RTN1: variants seen among roughly 807,000 people sequenced by gnomAD.
RTN1 encodes reticulon-1.
RTN1 carries 25 observed loss-of-function variants against 65.5 expected under a neutral mutation model. That is an observed-to-expected ratio of 0.38 (90% CI 0.28 to 0.53). The LOEUF (loss-of-function observed/expected upper bound fraction) is 0.53, where lower values mean the gene tolerates loss of function less well. RTN1 is among the 20% of genes least tolerant of loss of function. The probability of loss-of-function intolerance (pLI) is 0.79; values close to 1 mark genes in which losing one functional copy is unlikely to be tolerated. For synonymous variants in RTN1, 471 were observed against 447.6 expected (o/e 1.05, Z -0.66); for missense variants, 983 against 1,025.4 (o/e 0.96, Z 0.57).
At chr14:59,681,507 G>A (rs1253430678) in intron 3 of RTN1, among the ~76,000 whole-genome samples, 1 of 152,028 alleles carries the variant, frequency 6.6e-6, no homozygotes, top group Non-Finnish European at 1.5e-5. Flanking sequence ...ACCACACACT[G>A]CAGTAGGCAC....
At chr14:59,661,000 TAAAG>T (rs1053735586) in intron 3 of RTN1, among the ~76,000 whole-genome samples, 1 of 149,752 alleles carries the variant, frequency 6.7e-6, no homozygotes, top group Non-Finnish European at 1.5e-5. Flanking sequence ...GCCAGACTAA[TAAAG>T]AAGAAAAAAG....
intron 3 of RTN1, among the ~76,000 whole-genome samples, chr14:59,710,942 T>A (rs764677526): frequency 3.3e-5 from 5 of 152,262 alleles, no homozygotes; most frequent in Admixed American, 1.3e-4. Context: ...TTCATTACAA[T>A]TCTAGCAAGT....
chr14:59,683,914 T>C (rs556763349), intron 3 of RTN1, among the ~76,000 whole-genome samples: 1 of 152,182 alleles, frequency 6.6e-6, no homozygotes, highest in African/African-American at 2.4e-5. Context: ...TTGAGAGTCT[T>C]TGTCTGATTC....
At chr14:59,775,567 C>T (rs1161158017) in intron 1 of RTN1, among the ~76,000 whole-genome samples, 1 of 152,132 alleles carries the variant, frequency 6.6e-6, no homozygotes, top group Non-Finnish European at 1.5e-5. Context: ...CTCACTCAAT[C>T]CTTACAACAA....
chr14:59,609,182 G>A (rs555062316), intron 3 of RTN1, among the ~76,000 whole-genome samples: 2 of 152,224 alleles, frequency 1.3e-5, no homozygotes, highest in South Asian at 4.1e-4. Context: ...CGACTCGGGA[G>A]GCTGAGGCAG....
At chr14:59,697,856 C>A (rs534853045) in intron 3 of RTN1, among the ~76,000 whole-genome samples, 2 of 152,230 alleles carry the variant, frequency 1.3e-5, no homozygotes, top group Admixed American at 6.5e-5. Flanking sequence ...CATGCTCTTG[C>A]TGTAAACCAC....
At chr14:59,688,224 G>C (rs1883887947) in intron 3 of RTN1, among the ~76,000 whole-genome samples, 1 of 152,126 alleles carries the variant, frequency 6.6e-6, no homozygotes, top group Non-Finnish European at 1.5e-5. Flanking sequence ...TGGTGCAGTA[G>C]GGTCCTCTAC....
intron 2 of RTN1, among the ~76,000 whole-genome samples, chr14:59,740,966 A>C (rs777799225): frequency 7.9e-5 from 12 of 152,196 alleles, no homozygotes; most frequent in Non-Finnish European, 1.2e-4. Flanking sequence ...TTTGCTGCTG[A>C]TGATAATTAT....
intron 3 of RTN1, among the ~76,000 whole-genome samples, chr14:59,607,794 C>T (rs1881812084): frequency 6.6e-6 from 1 of 151,872 alleles, no homozygotes; most frequent in Non-Finnish European, 1.5e-5. Flanking sequence ...CATACAGTGG[C>T]CTGAATTATG....
chr14:59,719,821 A>G (rs1198781542), intron 3 of RTN1, among the ~76,000 whole-genome samples: 1 of 152,212 alleles, frequency 6.6e-6, no homozygotes, highest in Non-Finnish European at 1.5e-5. Flanking sequence ...TATGTCTTCC[A>G]AACTCCATTA....
intron 1 of RTN1, among the ~76,000 whole-genome samples, chr14:59,853,454 G>C (rs953331731): frequency 6.6e-6 from 1 of 152,080 alleles, no homozygotes; most frequent in Non-Finnish European, 1.5e-5. Context: ...TGTATTTTTA[G>C]ACAGCTGTCA....
chr14:59,809,868 T>G (rs192457331), intron 1 of RTN1, among the ~76,000 whole-genome samples: 67 of 152,228 alleles, frequency 4.4e-4, no homozygotes, highest in Admixed American at 4.2e-3. Context: ...TTTTTATATT[T>G]AAAAAAATTG....
intron 1 of RTN1, among the ~76,000 whole-genome samples, chr14:59,806,799 T>C (rs117300030): frequency 0.013 from 2,038 of 152,358 alleles, 22 homozygotes; most frequent in Middle Eastern, 0.037. Context: ...CAGGATCTCA[T>C]TCTTTATTTA....
At chr14:59,644,510 C>G (rs141463144) in intron 3 of RTN1, among the ~76,000 whole-genome samples, 48 of 152,244 alleles carry the variant, frequency 3.2e-4, no homozygotes, top group African/African-American at 1.1e-3. Flanking sequence ...CACGTGGAGC[C>G]CCGGGAGCTT....
At position 59,746,212 on chromosome 14, in the gene RTN1, T is replaced by A. The variant is rs776217491; in HGVS notation, c.511A>T (p.Thr171Ser). The A allele has an allele frequency of 4.3e-6, 7 of 1,611,938 alleles. No homozygotes were observed. Among genetic ancestry groups the A allele is most frequent in the African/African-American group, 1.3e-5 (1 of 74,702 alleles). The change falls in exon 2 of 9, where the codon ACT (threonine) becomes TCT (serine). Residue 171 changes from threonine to serine, a missense_variant. Thr to Ser is a moderately conservative substitution (Grantham distance 58, BLOSUM62 1). Around this residue, in one of 2 missense-constraint regions of RTN1, gnomAD observed 818 missense variants for 801.8 expected, o/e 1.02. Coordinates refer to ENST00000267484, the MANE Select transcript of RTN1 (RefSeq NM_021136.3). ...LFSSDSGIEM[T>S]PAESTEVNKI... Reference sequence around the variant, plus strand: ...TTCACTTCCGTGGACTCTGCAGGAGTCATCTCTATTCCAGAATCAGAACTA... The same window carrying A: ...TTCACTTCCGTGGACTCTGCAGGAGACATCTCTATTCCAGAATCAGAACTA...
At chr14:59,795,791 GCTGA>G (rs1308920151) in intron 1 of RTN1, among the ~76,000 whole-genome samples, 3 of 152,144 alleles carry the variant, frequency 2.0e-5, no homozygotes, top group Non-Finnish European at 2.9e-5. Context: ...TGTAATTGTT[GCTGA>G]TTAATGTCAC....
intron 3 of RTN1, among the ~76,000 whole-genome samples, chr14:59,658,765 G>A (rs1239573926): frequency 6.6e-6 from 1 of 152,180 alleles, no homozygotes; most frequent in African/African-American, 2.4e-5. Flanking sequence ...ATGAATCCAC[G>A]AAGATGAGGA....
intron 2 of RTN1, among the ~76,000 whole-genome samples, chr14:59,737,543 C>A (rs1566705285): frequency 1.3e-5 from 2 of 152,200 alleles, no homozygotes; most frequent in Non-Finnish European, 2.9e-5. Context: ...ACATTCCATG[C>A]TCATGGATAT....
At chr14:59,646,665 AC>A (rs549431448) in intron 3 of RTN1, among the ~76,000 whole-genome samples, 50 of 152,328 alleles carry the variant, frequency 3.3e-4, no homozygotes, top group Non-Finnish European at 5.9e-4. Flanking sequence ...AAAATCTTCA[AC>A]CAAGAATTTC....
Sources: allele counts gnomAD v4.1 joint callset (sites outside exome capture counted in the v4.1 genomes callset), GRCh38; gene constraint gnomAD v4.1.1; regional missense constraint gnomAD v4.1.1; transcripts MANE v1.5; gene names NCBI Gene and HGNC (gene_info 2026-07-23, HGNC 2026-07-21).